Variants in SF3B3 observed in about 807,000 individuals in gnomAD.
SF3B3 encodes the protein splicing factor 3b subunit 3, also known as SAP 130.
SF3B3 carries 33 observed loss-of-function variants against 139.2 expected under a neutral mutation model. That is an observed-to-expected ratio of 0.24 (90% confidence interval 0.18 to 0.32). SF3B3 has a LOEUF of 0.32. Among genes scored for constraint, SF3B3 ranks in the 10% least tolerant of loss-of-function variants. The probability of loss-of-function intolerance (pLI) is 1.00; values close to 1 mark genes in which losing one functional copy is unlikely to be tolerated. For synonymous variants in SF3B3, 596 were observed against 563.6 expected (o/e 1.06, Z -0.81); for missense variants, 818 against 1,509.4 (o/e 0.54, Z 7.59).
chr16:70,570,542 G>A (rs2151796112), intron 24 of SF3B3, among the ~76,000 whole-genome samples: 1 of 152,286 alleles, frequency 6.6e-6, no homozygotes, highest in Non-Finnish European at 1.5e-5. Context: ...GTGTTAGCCA[G>A]GGTGGTCTCG....
intron 15 of SF3B3, among the ~76,000 whole-genome samples, chr16:70,558,152 A>G (rs2050395310): frequency 6.6e-6 from 1 of 152,178 alleles, no homozygotes; most frequent in African/African-American, 2.4e-5. Context: ...AAGTTCCTGT[A>G]TCCTCTGTAT....
In SF3B3 at chr16:70,539,099, A is replaced by G; in HGVS notation, c.964-5A>G. On this transcript the variant is annotated splice_region_variant and splice_polypyrimidine_tract_variant and intron_variant, in intron 7 of 25. Coordinates refer to ENST00000302516, the MANE Select transcript of SF3B3 (RefSeq NM_012426.5). ...TGTACACCAGAATGTTTCTTTTCTCACCAGGTTACTGAGATCCGGCTCAAA... is the reference window on the plus strand; with the variant it reads ...TGTACACCAGAATGTTTCTTTTCTCGCCAGGTTACTGAGATCCGGCTCAAA... The G allele has an allele frequency of 3.7e-6, 6 of 1,605,206 alleles. No homozygotes were observed. The highest frequency in any genetic ancestry group is 5.1e-6 in the Non-Finnish European group (6 of 1,171,898).
chr16:70,553,443 A>G (rs2050348184), intron 11 of SF3B3, among the ~76,000 whole-genome samples: 2 of 152,204 alleles, frequency 1.3e-5, no homozygotes, highest in African/African-American at 4.8e-5. Context: ...TGAGTCAGCC[A>G]CTACATTGTG....
intron 25 of SF3B3, among the ~76,000 whole-genome samples, chr16:70,571,456 AT>A (rs1039621497): frequency 2.0e-5 from 3 of 152,184 alleles, no homozygotes; most frequent in African/African-American, 7.2e-5. Context: ...GGTGGCACAC[AT>A]TTGTGGTCCC....
At chr16:70,561,449 A>AT in intron 16 of SF3B3, 181 bp from the exon 17 acceptor site, 1 of 594,010 alleles carries the variant, frequency 1.7e-6, no homozygotes, top group Non-Finnish European at 3.0e-6. Context: ...TGCTTTTCAC[A>AT]TATGCTAAGC....
At chr16:70,541,492 C>T (rs2050218722) in intron 8 of SF3B3, among the ~76,000 whole-genome samples, 177 bp from the exon 9 acceptor site, 1 of 152,202 alleles carries the variant, frequency 6.6e-6, no homozygotes, top group Non-Finnish European at 1.5e-5. Flanking sequence ...CTTCCCAGAT[C>T]TTTTCCCTGA....
At chr16:70,542,509 A>G (rs1010259046) in intron 9 of SF3B3, among the ~76,000 whole-genome samples, 1 of 152,128 alleles carries the variant, frequency 6.6e-6, no homozygotes, top group African/African-American at 2.4e-5. Flanking sequence ...CTCAATTGTC[A>G]GGGTTTGAGT....
Position 70,575,359 on chromosome 16 carries a change from T to G in SF3B3, c.*3546T>G. The G allele has an allele frequency of 6.6e-6, 1 of 151,634 alleles. No individual in the cohort carries two copies. Among genetic ancestry groups the G allele is most frequent in the Admixed American group, 6.6e-5 (1 of 15,208 alleles). The allele number at this position is 151,634 out of a possible 1,614,324, so 9.4% of individuals were successfully genotyped here. A position where few individuals can be genotyped will look rare whatever the true frequency, so the allele number is the denominator to read the frequency against. On this transcript the variant is annotated 3_prime_UTR_variant, in exon 26 of 26. Coordinates refer to ENST00000302516, the MANE Select transcript of SF3B3 (RefSeq NM_012426.5). ...GACTACAGGCATGCACCACCATGCC[T>G]GGCTAATTTTTGTATTTTTAGTAGA...
intron 13 of SF3B3, 82 bp from the exon 14 acceptor site, chr16:70,556,097 G>T: frequency 7.1e-7 from 1 of 1,414,100 alleles, no homozygotes; most frequent in South Asian, 1.2e-5. Flanking sequence ...TTCATTCTCT[G>T]GATCCAGGGT....
rs567304305 is a variant in SF3B3 at position 70,576,490 on chromosome 16, C to G, written c.*4677C>G. On this transcript the variant is annotated 3_prime_UTR_variant, in exon 26 of 26. Coordinates refer to ENST00000302516, the MANE Select transcript of SF3B3 (RefSeq NM_012426.5). ...AAAGGAGAGGTGCTTTCAGTTGGGT[C>G]ATTTGGTAGCGTTTAGGCTTAGAAG... is the stretch of plus-strand genomic sequence containing the variant. 1.2e-4 allele frequency: 19 copies of G among 152,284 alleles called. No homozygotes were observed. The highest frequency in any genetic ancestry group is 4.3e-4 in the African/African-American group (18 of 41,548). 9.4% of individuals were successfully genotyped at this position (152,284 alleles called of 1,614,324 possible).
At chr16:70,539,270 G>C in intron 8 of SF3B3, 63 bp downstream of exon 8, 1 of 1,150,316 alleles carries the variant, frequency 8.7e-7, no homozygotes, top group South Asian at 1.2e-5. Flanking sequence ...AGCAGAAGCT[G>C]GGTGCAGTGG....
chr16:70,525,970 AAAAAAAAAAAGG>A (rs1449692973), intron 1 of SF3B3, among the ~76,000 whole-genome samples: 5 of 147,634 alleles, frequency 3.4e-5, no homozygotes, highest in Non-Finnish European at 7.5e-5. Context: ...AAAAAAAAAA[AAAAAAAAAAAGG>A]AAAAAAAAAA....
Position 70,568,485 on chromosome 16 carries a change from A to G in SF3B3, c.3155A>G (p.Asn1052Ser). ...DTVAGADKFGNICVVRLPPNT... is the reference protein window; with the variant it reads ...DTVAGADKFGSICVVRLPPNT... ...GTGGCTGGGGCAGACAAGTTTGGCA[A>G]CATATGTGTGGTGAGTTGATGTTGT... Residue 1052 changes from asparagine to serine, a missense_variant, in exon 22 of 26, where the codon AAC (asparagine) becomes AGC (serine). Asn to Ser is a conservative substitution (Grantham distance 46). This residue lies in a region of SF3B3 where 91 missense variants were observed against 171.8 expected (regional missense o/e 0.53). Coordinates refer to ENST00000302516, the MANE Select transcript of SF3B3 (RefSeq NM_012426.5). 6.2e-7 allele frequency: 1 copy of G among 1,613,434 alleles called. No individual in the cohort carries two copies. Among genetic ancestry groups the G allele is most frequent in the Non-Finnish European group, 8.5e-7 (1 of 1,179,614 alleles).
Position 70,560,552 on chromosome 16 carries a change from T to C in SF3B3, c.2094T>C (p.Pro698=). The C allele has an allele frequency of 1.9e-6, 3 of 1,613,842 alleles. No individual in the cohort carries two copies. The highest frequency in any genetic ancestry group is 2.5e-6 in the Non-Finnish European group (3 of 1,179,780). Residue 698 remains proline, a synonymous_variant, in exon 16 of 26, where the codon CCT becomes CCC. Transcript: ENST00000302516. ...DTRTRYLGSR[P]VKLFRVRMQG... Reference sequence around the variant, plus strand: ...GCACTCGGTACCTGGGGTCCCGTCCTGTGAAGCTCTTCCGAGTCCGAATGC... The same window carrying C: ...GCACTCGGTACCTGGGGTCCCGTCCCGTGAAGCTCTTCCGAGTCCGAATGC...
chr16:70,555,379 T>C (rs1218068943), intron 13 of SF3B3, among the ~76,000 whole-genome samples, 173 bp downstream of exon 13: 1 of 149,724 alleles, frequency 6.7e-6, no homozygotes, highest in African/African-American at 2.5e-5. Flanking sequence ...CTCAGGAGGC[T>C]GAGGCAGGAG....
intron 3 of SF3B3, 148 bp downstream of exon 3, chr16:70,529,347 A>G (rs1011023628): frequency 1.7e-5 from 11 of 650,664 alleles, no homozygotes; most frequent in Non-Finnish European, 2.3e-5. Flanking sequence ...TTTCCTTTTT[A>G]AAAGAGTTGC....
In SF3B3 at chr16:70,573,236, T is replaced by C. The variant is rs904254835; in HGVS notation, c.*1423T>C. 2.0e-5 allele frequency: 3 copies of C among 152,228 alleles called. No homozygotes were observed. The highest frequency in any genetic ancestry group is 7.2e-5 in the African/African-American group (3 of 41,462). The allele number at this position is 152,228 out of a possible 1,614,324, so 9.4% of individuals were successfully genotyped here. A position where few individuals can be genotyped will look rare whatever the true frequency, so the allele number is the denominator to read the frequency against. ...TCACTTAGCTCATGAATTTGCATAG[T>C]AGACAGTAGTTCTGAATTAGATTTT... On this transcript the variant is annotated 3_prime_UTR_variant, in exon 26 of 26. Coordinates refer to ENST00000302516, the MANE Select transcript of SF3B3 (RefSeq NM_012426.5).
intron 12 of SF3B3, among the ~76,000 whole-genome samples, chr16:70,554,828 T>G (rs2050364704): frequency 6.6e-6 from 1 of 152,252 alleles, no homozygotes; most frequent in Non-Finnish European, 1.5e-5. Context: ...AAGTGTTTTG[T>G]TAATAAGCTT....
At chr16:70,539,521 C>G (rs1597710646) in intron 8 of SF3B3, among the ~76,000 whole-genome samples, 1 of 151,098 alleles carries the variant, frequency 6.6e-6, no homozygotes. Context: ...GCACTCCAGC[C>G]TGGGTAACAA....
Sources: gnomAD v4.1 joint callset for allele counts (sites outside exome capture counted in the v4.1 genomes callset) on GRCh38, gnomAD v4.1.1 for gene constraint, gnomAD v4.1.1 regional missense constraint, MANE v1.5 for transcripts, NCBI Gene and HGNC (gene_info 2026-07-23, HGNC 2026-07-21) for gene names.